Variants in AUNIP observed in about 807,000 individuals in gnomAD.
AUNIP encodes aurora kinase A and ninein interacting protein.
AUNIP carries 16 observed loss-of-function variants against 12.2 expected under a neutral mutation model. That is an observed-to-expected ratio of 1.31 (90% CI 0.88 to 1.99). The LOEUF is 1.99. Ranked by LOEUF, AUNIP falls within the 30% of genes most tolerant of loss-of-function variation. The pLI, the probability that AUNIP is intolerant of heterozygous loss-of-function variation, is 0.00. For synonymous variants in AUNIP, 142 were observed against 154.8 expected (o/e 0.92, Z 0.61); for missense variants, 411 against 419.1 (o/e 0.98, Z 0.17).
At chr1:25,857,317 C>T (rs1301321246) in intron 1 of AUNIP, among the ~76,000 whole-genome samples, 6 of 147,800 alleles carry the variant, frequency 4.1e-5, no homozygotes, top group Admixed American at 1.4e-4. Flanking sequence ...ACGATCTCGG[C>T]TCACTGCAAC....
chr1:25,838,451 C>T (rs1318658542), intron 1 of AUNIP, among the ~76,000 whole-genome samples: 1 of 151,556 alleles, frequency 6.6e-6, no homozygotes, highest in African/African-American at 2.4e-5. Flanking sequence ...TGCAATGAGC[C>T]GAGATTGTGC....
intron 1 of AUNIP, among the ~76,000 whole-genome samples, chr1:25,848,902 C>T (rs1007546430): frequency 6.6e-6 from 1 of 152,178 alleles, no homozygotes; most frequent in Non-Finnish European, 1.5e-5. Context: ...TTGGGATTCT[C>T]CCAGACTTGG....
At chr1:25,844,940 C>T (rs187420051) in intron 1 of AUNIP, among the ~76,000 whole-genome samples, 97 of 152,274 alleles carry the variant, frequency 6.4e-4, no homozygotes, top group African/African-American at 1.8e-3. Flanking sequence ...GAAAGGATGA[C>T]GCTACCTCAT....
Position 25,859,446 on chromosome 1 carries a change from T to C in AUNIP, c.-89A>G, listed in dbSNP as rs931859256. ...AGAACCGCGGCCGCCGACGTTCGGA[T>C]CTCGCGCCAACGCTGGGGGCGGGGC... On this transcript the variant is annotated 5_prime_UTR_variant, in exon 1 of 3. Transcript: ENST00000374298. 8 of 1,248,004 alleles carry C rather than the reference T, an allele frequency of 6.4e-6. No individual in the cohort carries two copies. In the African/African-American group the frequency reaches 1.1e-4, roughly 18 times the overall value. 77.3% of individuals were successfully genotyped at this position (1,248,004 alleles called of 1,614,324 possible).
At chr1:25,842,561 A>C (rs1314432500) in intron 1 of AUNIP, among the ~76,000 whole-genome samples, 2 of 152,272 alleles carry the variant, frequency 1.3e-5, no homozygotes. Context: ...ACAGATTGTC[A>C]CTGTAGACGA....
In AUNIP at chr1:25,835,227, G is replaced by A. The variant is rs1401186497; in HGVS notation, c.840C>T (p.Asp280=). The change falls in exon 3 of 3, where the codon GAC becomes GAT. Residue 280 remains aspartate, a synonymous_variant. Coordinates refer to ENST00000374298, the MANE Select transcript of AUNIP (RefSeq NM_024037.3). The part of the protein sequence containing the change: ...SVFSWDNEKN[D]KDSWSQLFTE... Reference sequence around the variant, plus strand: ...TGAAAAGTTGACTCCAGGAGTCCTTGTCATTCTTTTCATTGTCCCAGGAAA... The same window carrying A: ...TGAAAAGTTGACTCCAGGAGTCCTTATCATTCTTTTCATTGTCCCAGGAAA... The A allele has an allele frequency of 6.2e-7, 1 of 1,614,158 alleles. No individual in the cohort carries two copies. Among genetic ancestry groups the A allele is most frequent in the Admixed American group, 1.7e-5 (1 of 60,030 alleles).
chr1:25,846,664 G>A (rs1037974387), intron 1 of AUNIP, among the ~76,000 whole-genome samples: 9 of 152,248 alleles, frequency 5.9e-5, no homozygotes, highest in South Asian at 2.1e-4. Context: ...CAGTGGTTGC[G>A]GTGAGATCGC....
In AUNIP at chr1:25,834,406, G is replaced by T; in HGVS notation, c.*587C>A. 1.1e-6 allele frequency: 1 copy of T among 913,826 alleles called. No individual in the cohort carries two copies. Among genetic ancestry groups the T allele is most frequent in the Non-Finnish European group, 1.3e-6 (1 of 764,930 alleles). 56.6% of individuals were successfully genotyped at this position (913,826 alleles called of 1,614,324 possible). On this transcript the variant is annotated 3_prime_UTR_variant, in exon 3 of 3. Transcript: ENST00000374298. ...TGAGGTGGGCGGATCAGGAGGTCAGGAGATGGAGACCATCCTGGCTAATAT... is the reference window on the plus strand; with the variant it reads ...TGAGGTGGGCGGATCAGGAGGTCAGTAGATGGAGACCATCCTGGCTAATAT...
At position 25,837,596 on chromosome 1, in the gene AUNIP, TAA is replaced by T. The variant is rs2048313587; in HGVS notation, c.79-44_79-43del. The T allele has an allele frequency of 6.3e-6, 10 of 1,577,274 alleles. No individual in the cohort carries two copies. In the East Asian group the frequency reaches 2.0e-4, roughly 32 times the overall value. ...AAAAGAATAATGAGCCTATTAATAT[TAA>T]AAGACATACAGTAGAGATTCAGTAC... On this transcript the variant is annotated intron_variant, in intron 1 of 2. Transcript: ENST00000374298.
intron 1 of AUNIP, among the ~76,000 whole-genome samples, chr1:25,844,373 A>G (rs1484135466): frequency 2.6e-5 from 4 of 152,190 alleles, no homozygotes; most frequent in Non-Finnish European, 5.9e-5. Flanking sequence ...TGCTGGGATT[A>G]CAGGTGTGAG....
chr1:25,835,997 T>G (rs2048299999), intron 2 of AUNIP, 151 bp from the exon 3 acceptor site: 1 of 1,251,062 alleles, frequency 8.0e-7, no homozygotes, highest in African/African-American at 1.5e-5. Context: ...CCAATCTTCC[T>G]GTTTTCAATC....
chr1:25,858,414 CT>C (rs1486440903), intron 1 of AUNIP, among the ~76,000 whole-genome samples: 2 of 152,174 alleles, frequency 1.3e-5, no homozygotes, highest in African/African-American at 4.8e-5. Flanking sequence ...AATCTTGCCC[CT>C]AGTGTCTGTT....
Position 25,834,595 on chromosome 1 carries a change from A to AGTG in AUNIP, c.*397_*398insCAC, listed in dbSNP as rs2048283274. On this transcript the variant is annotated 3_prime_UTR_variant, in exon 3 of 3. Coordinates refer to ENST00000374298, the MANE Select transcript of AUNIP (RefSeq NM_024037.3). ...TCGCACCACTGCACTCCAGCCTGGC[A>AGTG]ACAGAGCGAGACTCCATCTCAAAAA... The AGTG allele has an allele frequency of 1.0e-6, 1 of 973,578 alleles. No homozygotes were observed. The allele number at this position is 973,578 out of a possible 1,614,324, so 60.3% of individuals were successfully genotyped here.
rs895403725 is a variant in AUNIP at position 25,859,379 on chromosome 1, G to C, written c.-22C>G. On this transcript the variant is annotated 5_prime_UTR_variant, in exon 1 of 3. Coordinates refer to ENST00000374298, the MANE Select transcript of AUNIP (RefSeq NM_024037.3). ...TCATGGCCGCTGAGGAGACGAAGCC[G>C]GCAGGACGCCGGCGCAGGCTCCCGG... is the stretch of plus-strand genomic sequence containing the variant. 6 of 1,493,542 alleles carry C rather than the reference G, an allele frequency of 4.0e-6. No individual in the cohort carries two copies. Among genetic ancestry groups the C allele is most frequent in the Non-Finnish European group, 5.3e-6 (6 of 1,130,160 alleles). 92.5% of individuals were successfully genotyped at this position (1,493,542 alleles called of 1,614,324 possible). A position where few individuals can be genotyped will look rare whatever the true frequency, so the allele number is the denominator to read the frequency against.
At chr1:25,852,095 G>A (rs1260175057) in intron 1 of AUNIP, among the ~76,000 whole-genome samples, 2 of 152,076 alleles carry the variant, frequency 1.3e-5, no homozygotes, top group Non-Finnish European at 2.9e-5. Flanking sequence ...TGGAACTACA[G>A]GCATGTACCA....
chr1:25,853,796 G>A (rs1480446518), intron 1 of AUNIP, among the ~76,000 whole-genome samples: 2 of 152,082 alleles, frequency 1.3e-5, no homozygotes, highest in East Asian at 1.9e-4. Flanking sequence ...GCTGTTAACA[G>A]GCTTCATGTA....
intron 2 of AUNIP, 149 bp from the exon 3 acceptor site, chr1:25,835,995 C>A (rs1377820347): frequency 4.7e-6 from 6 of 1,264,146 alleles, no homozygotes; most frequent in Non-Finnish European, 6.4e-6. Context: ...AGCCAATCTT[C>A]CTGTTTTCAA....
chr1:25,838,022 G>A (rs949875096), intron 1 of AUNIP, among the ~76,000 whole-genome samples: 3 of 143,468 alleles, frequency 2.1e-5, no homozygotes, highest in Admixed American at 2.1e-4. Flanking sequence ...GGGCAGATAA[G>A]GAGGTCAGGA....
intron 1 of AUNIP, among the ~76,000 whole-genome samples, chr1:25,856,842 T>A (rs998251507): frequency 2.0e-5 from 3 of 151,716 alleles, no homozygotes; most frequent in African/African-American, 4.8e-5. Flanking sequence ...GTGCAGTGGC[T>A]CACACCTGTA....
Sources: gnomAD v4.1 joint callset for allele counts (sites outside exome capture counted in the v4.1 genomes callset) on GRCh38, gnomAD v4.1.1 for gene constraint, MANE v1.5 for transcripts, NCBI Gene and HGNC (gene_info 2026-07-23, HGNC 2026-07-21) for gene names.